The following ZFPM2 variants were observed in gnomAD, a reference collection of about 807,000 sequenced individuals.
ZFPM2 encodes zinc finger protein ZFPM2.
ZFPM2 carries 20 observed loss-of-function variants against 98.6 expected under a neutral mutation model. The observed-to-expected ratio is 0.20, with a 90% CI of 0.14 to 0.29. The LOEUF (loss-of-function observed/expected upper bound fraction) is 0.29. ZFPM2 is among the 10% of genes least tolerant of loss of function. The pLI is 1.00. For synonymous variants in ZFPM2, 518 were observed against 502.7 expected (o/e 1.03, Z -0.41); for missense variants, 1,310 against 1,388.6 (o/e 0.94, Z 0.90).
chr8:105,769,470 C>T (rs117207524), intron 5 of ZFPM2, among the ~76,000 whole-genome samples: 2 of 152,070 alleles, frequency 1.3e-5, no homozygotes, highest in South Asian at 2.1e-4. Flanking sequence ...GCATAAGAAT[C>T]GTGTCTTTTT....
intron 5 of ZFPM2, among the ~76,000 whole-genome samples, chr8:105,690,406 C>A (rs1307097903): frequency 6.6e-6 from 1 of 152,144 alleles, no homozygotes; most frequent in Non-Finnish European, 1.5e-5. Flanking sequence ...CGGGGCCAAA[C>A]CTTCAGACTG....
At chr8:105,739,993 T>TA (rs965399135) in intron 5 of ZFPM2, among the ~76,000 whole-genome samples, 15 of 151,976 alleles carry the variant, frequency 9.9e-5, no homozygotes, top group Admixed American at 9.8e-4. Context: ...AGAAATTACT[T>TA]AAAAATGCTC....
intron 5 of ZFPM2, among the ~76,000 whole-genome samples, chr8:105,647,669 T>C (rs924335549): frequency 6.6e-6 from 1 of 152,120 alleles, no homozygotes; most frequent in Non-Finnish European, 1.5e-5. Flanking sequence ...AGAATGATGA[T>C]TTCCAACTTC....
At chr8:105,722,119 T>C (rs1347889279) in intron 5 of ZFPM2, among the ~76,000 whole-genome samples, 2 of 151,810 alleles carry the variant, frequency 1.3e-5, no homozygotes, top group South Asian at 2.1e-4. Context: ...TGGCTAATAT[T>C]ATATTAATGG....
intron 1 of ZFPM2, among the ~76,000 whole-genome samples, chr8:105,393,410 G>A (rs1280838063): frequency 1.0e-5 from 1 of 96,586 alleles, no homozygotes; most frequent in African/African-American, 4.4e-5. Flanking sequence ...ATTTAAATAT[G>A]GAATGTATCA....
At chr8:105,634,752 A>G (rs1317556793) in intron 5 of ZFPM2, among the ~76,000 whole-genome samples, 4 of 152,210 alleles carry the variant, frequency 2.6e-5, no homozygotes, top group African/African-American at 9.6e-5. Flanking sequence ...TGCATGGTCC[A>G]AGAGGCTCTA....
At chr8:105,467,509 A>G (rs1340626426) in intron 3 of ZFPM2, among the ~76,000 whole-genome samples, 1 of 152,064 alleles carries the variant, frequency 6.6e-6, no homozygotes, top group South Asian at 2.1e-4. Context: ...AGTTGCTTAT[A>G]TAAAGCAGGA....
chr8:105,348,518 T>A (rs1812581821), intron 1 of ZFPM2, among the ~76,000 whole-genome samples: 1 of 152,184 alleles, frequency 6.6e-6, no homozygotes, highest in African/African-American at 2.4e-5. Flanking sequence ...GTTTTCCCAA[T>A]AGTTTATTGT....
chr8:105,342,111 T>C (rs2129667604), intron 1 of ZFPM2, among the ~76,000 whole-genome samples: 1 of 152,182 alleles, frequency 6.6e-6, no homozygotes, highest in Non-Finnish European at 1.5e-5. Flanking sequence ...GACAGTACTC[T>C]TTGAAGACAT....
At chr8:105,555,355 G>A (rs1479567457) in intron 3 of ZFPM2, among the ~76,000 whole-genome samples, 1 of 152,012 alleles carries the variant, frequency 6.6e-6, no homozygotes, top group Non-Finnish European at 1.5e-5. Flanking sequence ...GTATTCTATA[G>A]ATGAGGTAAT....
At chr8:105,613,485 A>G (rs192401197) in intron 4 of ZFPM2, among the ~76,000 whole-genome samples, 109 of 152,302 alleles carry the variant, frequency 7.2e-4, no homozygotes, top group African/African-American at 2.4e-3. Flanking sequence ...TACAGGAACA[A>G]TTTTGCAAAG....
intron 2 of ZFPM2, among the ~76,000 whole-genome samples, chr8:105,442,515 A>G (rs1335130322): frequency 1.3e-5 from 2 of 152,188 alleles, no homozygotes; most frequent in Non-Finnish European, 2.9e-5. Flanking sequence ...TAGATGCTCA[A>G]TATTTTATGG....
intron 1 of ZFPM2, among the ~76,000 whole-genome samples, chr8:105,357,592 C>T (rs1418387018): frequency 1.3e-5 from 2 of 152,062 alleles, no homozygotes; most frequent in Non-Finnish European, 2.9e-5. Flanking sequence ...ATATTTATAA[C>T]AAACTTTTTT....
chr8:105,734,236 A>G (rs1742618349), intron 5 of ZFPM2, among the ~76,000 whole-genome samples: 1 of 151,938 alleles, frequency 6.6e-6, no homozygotes, highest in Admixed American at 6.6e-5. Flanking sequence ...CAGCGATGAC[A>G]TATCCCTATG....
At chr8:105,795,912 G>GCAT (rs1273575345) in intron 6 of ZFPM2, 1 of 315,276 alleles carries the variant, frequency 3.2e-6, no homozygotes, top group African/African-American at 2.2e-5. Flanking sequence ...GCAAAAAATT[G>GCAT]CATCTAATCA....
intron 2 of ZFPM2, among the ~76,000 whole-genome samples, chr8:105,441,230 A>T (rs761740907): frequency 4.0e-5 from 6 of 151,702 alleles, no homozygotes; most frequent in Admixed American, 1.3e-4. Flanking sequence ...TCATTTGTCA[A>T]CTTACTCTCC....
At chr8:105,355,602 T>C (rs1812726455) in intron 1 of ZFPM2, among the ~76,000 whole-genome samples, 1 of 152,204 alleles carries the variant, frequency 6.6e-6, no homozygotes, top group South Asian at 2.1e-4. Flanking sequence ...AAGATGCTGT[T>C]AATATTATCT....
chr8:105,609,784 T>C (rs1816270568), intron 4 of ZFPM2, among the ~76,000 whole-genome samples: 1 of 152,210 alleles, frequency 6.6e-6, no homozygotes, highest in Admixed American at 6.5e-5. Context: ...TTGTGAAACA[T>C]ACAGCTCTTA....
intron 5 of ZFPM2, among the ~76,000 whole-genome samples, chr8:105,739,876 C>T (rs1425443881): frequency 2.6e-5 from 4 of 151,918 alleles, no homozygotes; most frequent in African/African-American, 9.7e-5. Context: ...TAATAGATGC[C>T]ATGCTTTCAG....
Sources: allele counts gnomAD v4.1 joint callset (sites outside exome capture counted in the v4.1 genomes callset), GRCh38; gene constraint gnomAD v4.1.1; transcripts MANE v1.5; gene names NCBI Gene and HGNC (gene_info 2026-07-23, HGNC 2026-07-21).